Variants in OXSR1 observed in about 807,000 individuals in gnomAD.
The protein encoded by OXSR1 is serine/threonine-protein kinase OSR1.
A neutral mutation model predicts 79.8 loss-of-function variants in OXSR1; 24 were observed. The observed-to-expected ratio is 0.30, with a 90% CI of 0.22 to 0.42. OXSR1 has a LOEUF of 0.42. Among genes scored for constraint, OXSR1 ranks in the 10% least tolerant of loss-of-function variants. The pLI is 1.00. For synonymous variants in OXSR1, 226 were observed against 209.2 expected (o/e 1.08, Z -0.69); for missense variants, 430 against 618.4 (o/e 0.70, Z 3.23).
chr3:38,250,129 A>G (rs1393470363), intron 15 of OXSR1, 111 bp downstream of exon 15: 1 of 779,116 alleles, frequency 1.3e-6, no homozygotes, highest in Non-Finnish European at 2.2e-6. Context: ...GATAATAAAA[A>G]TTTTCCTGGT....
chr3:38,175,706 TAG>T (rs2125803219), intron 1 of OXSR1, among the ~76,000 whole-genome samples: 1 of 152,354 alleles, frequency 6.6e-6, no homozygotes, highest in East Asian at 1.9e-4. Context: ...TCTCAAGAAG[TAG>T]AGTTACCCAG....
At position 38,216,049 on chromosome 3, in the gene OXSR1, A is replaced by G. The variant is rs9835957; in HGVS notation, c.435-47A>G. On this transcript the variant is annotated intron_variant, in intron 4 of 17. Coordinates refer to ENST00000311806, the MANE Select transcript of OXSR1 (RefSeq NM_005109.3). ...ACAATTGCTTAAATTATGTTACTCCAAAGAATAGATGTTTTTTGATACATA... is the reference window on the plus strand; with the variant it reads ...ACAATTGCTTAAATTATGTTACTCCGAAGAATAGATGTTTTTTGATACATA... The G allele has an allele frequency of 1.4e-3, 1,645 of 1,193,372 alleles. 19 individuals carry two copies. The African/African-American group carries it at 0.023, about 17-fold the overall frequency. The allele number at this position is 1,193,372 out of a possible 1,614,324, so 73.9% of individuals were successfully genotyped here. A position where few individuals can be genotyped will look rare whatever the true frequency, so the allele number is the denominator to read the frequency against.
chr3:38,221,280 CT>C (rs998565382), intron 5 of OXSR1, among the ~76,000 whole-genome samples: 54 of 151,920 alleles, frequency 3.6e-4, no homozygotes, highest in African/African-American at 1.3e-3. Flanking sequence ...TAAGCTATGT[CT>C]TTTTTGTTTT....
chr3:38,211,285 C>T (rs1702382599), intron 4 of OXSR1, among the ~76,000 whole-genome samples: 1 of 152,166 alleles, frequency 6.6e-6, no homozygotes, highest in East Asian at 1.9e-4. Context: ...GCATTGGAAC[C>T]TGTCCAGCTC....
In OXSR1 at chr3:38,165,809, A is replaced by T; in HGVS notation, c.-68A>T. 7.4e-7 allele frequency: 1 copy of T among 1,348,162 alleles called. No homozygotes were observed. The highest frequency in any genetic ancestry group is 1.0e-6 in the Non-Finnish European group (1 of 963,564). 83.5% of individuals were successfully genotyped at this position (1,348,162 alleles called of 1,614,324 possible). A position where few individuals can be genotyped will look rare whatever the true frequency, so the allele number is the denominator to read the frequency against. On this transcript the variant is annotated 5_prime_UTR_variant, in exon 1 of 18. Coordinates refer to ENST00000311806, the MANE Select transcript of OXSR1 (RefSeq NM_005109.3). Reference sequence around the variant, plus strand: ...GCGGCGGCGGCTGTTGGGGGTGGGGAGACGCGCGGCGAGGAGACGAGCGAG... The same window carrying T: ...GCGGCGGCGGCTGTTGGGGGTGGGGTGACGCGCGGCGAGGAGACGAGCGAG...
rs754368264 is a variant in OXSR1 at position 38,165,871 on chromosome 3, G to A, written c.-6G>A. ...TGAGGGAGGACCGCGAGCCGCTGCC[G>A]CCGTCATGTCCGAGGACTCGAGCGC... On this transcript the variant is annotated 5_prime_UTR_variant, in exon 1 of 18. Coordinates refer to ENST00000311806, the MANE Select transcript of OXSR1 (RefSeq NM_005109.3). 7 of 1,609,232 alleles carry A rather than the reference G, an allele frequency of 4.3e-6. No homozygotes were observed. Among genetic ancestry groups the A allele is most frequent in the Middle Eastern group, 1.8e-4 (1 of 5,550 alleles).
intron 4 of OXSR1, 22 bp downstream of exon 4, chr3:38,198,885 T>C: frequency 6.2e-7 from 1 of 1,603,300 alleles, no homozygotes; most frequent in Non-Finnish European, 8.5e-7. Flanking sequence ...ACAATACTCT[T>C]GTGTTACATC....
intron 1 of OXSR1, among the ~76,000 whole-genome samples, chr3:38,178,620 A>ATATATTTTTT (rs1265646743): frequency 4.2e-5 from 4 of 95,102 alleles, no homozygotes; most frequent in African/African-American, 1.8e-4. Context: ...ATATATATAT[A>ATATATTTTTT]TTTTTTTTTT....
chr3:38,246,807 T>C (rs1394082578), intron 13 of OXSR1, among the ~76,000 whole-genome samples: 1 of 152,146 alleles, frequency 6.6e-6, no homozygotes, highest in African/African-American at 2.4e-5. Flanking sequence ...TGTAACTCCT[T>C]CTCTCCCTTC....
At chr3:38,241,482 A>G (rs181262685) in intron 11 of OXSR1, among the ~76,000 whole-genome samples, 356 of 152,204 alleles carry the variant, frequency 2.3e-3, no homozygotes, top group Admixed American at 5.4e-3. Context: ...GTTAAATTTA[A>G]TGAGAACTAT....
At chr3:38,228,409 T>A (rs1434858085) in intron 8 of OXSR1, among the ~76,000 whole-genome samples, 1 of 152,256 alleles carries the variant, frequency 6.6e-6, no homozygotes, top group Non-Finnish European at 1.5e-5. Context: ...CATAGCACTT[T>A]CACATTTATT....
chr3:38,194,663 A>G (rs1702041272), intron 3 of OXSR1, among the ~76,000 whole-genome samples: 1 of 152,170 alleles, frequency 6.6e-6, no homozygotes. Flanking sequence ...GGGGATGGAG[A>G]CAGGATGGAG....
chr3:38,245,759 G>A lies in OXSR1; in HGVS notation c.1111-316G>A, dbSNP rs35526215. Reference sequence around the variant, plus strand: ...TATAGGCATGAGAGGACTTTTTGGGGGTGATGGAAGTGTTCTAAAACGATT... The same window carrying A: ...TATAGGCATGAGAGGACTTTTTGGGAGTGATGGAAGTGTTCTAAAACGATT... On this transcript the variant is annotated intron_variant, in intron 12 of 17. Transcript: ENST00000311806. 5.2e-3 allele frequency among the ~76,000 whole-genome samples: 798 copies of A among 152,250 alleles called. 5 individuals carry two copies. Among genetic ancestry groups the A allele is most frequent in the Middle Eastern group, 0.031 (9 of 294 alleles).
chr3:38,194,770 A>C (rs568182363), intron 3 of OXSR1, among the ~76,000 whole-genome samples: 5 of 152,302 alleles, frequency 3.3e-5, no homozygotes, highest in Admixed American at 6.5e-5. Context: ...AAAGACTCCC[A>C]AAATTAAAAA....
chr3:38,209,446 T>C (rs892360323), intron 4 of OXSR1, among the ~76,000 whole-genome samples: 1 of 151,990 alleles, frequency 6.6e-6, no homozygotes, highest in Non-Finnish European at 1.5e-5. Flanking sequence ...TTTTTAAAAG[T>C]TCCCCCAGGT....
intron 4 of OXSR1, among the ~76,000 whole-genome samples, chr3:38,204,750 C>T (rs1441429952): frequency 6.6e-6 from 1 of 151,634 alleles, no homozygotes; most frequent in Non-Finnish European, 1.5e-5. Flanking sequence ...GGAATCTCTC[C>T]CAGAGCTGCA....
chr3:38,170,192 G>A (rs535613847), intron 1 of OXSR1, among the ~76,000 whole-genome samples: 3 of 151,868 alleles, frequency 2.0e-5, no homozygotes, highest in South Asian at 4.2e-4. Flanking sequence ...TTACACATGC[G>A]TGCCACCACA....
chr3:38,223,775 A>G (rs922089142), intron 6 of OXSR1, 37 bp from the exon 7 acceptor site: 9 of 1,472,858 alleles, frequency 6.1e-6, no homozygotes, highest in Non-Finnish European at 8.5e-6. Context: ...AAGTCCTTTT[A>G]TGCTGGTAAA....
chr3:38,169,081 A>G (rs1293099547), intron 1 of OXSR1, among the ~76,000 whole-genome samples: 3 of 152,204 alleles, frequency 2.0e-5, no homozygotes, highest in Non-Finnish European at 2.9e-5. Context: ...ACTAGTAATT[A>G]TAAGAGTTCT....
Sources: gnomAD v4.1 joint callset for allele counts (sites outside exome capture counted in the v4.1 genomes callset) on GRCh38, gnomAD v4.1.1 for gene constraint, MANE v1.5 for transcripts, NCBI Gene and HGNC (gene_info 2026-07-23, HGNC 2026-07-21) for gene names.